Variants in PTPN14 observed in about 807,000 individuals in gnomAD.
The protein encoded by PTPN14 is tyrosine-protein phosphatase non-receptor type 14.
A neutral mutation model predicts 126.8 loss-of-function variants in PTPN14; 53 were observed. That is an observed-to-expected ratio of 0.42 (90% CI 0.34 to 0.53). The LOEUF (loss-of-function observed/expected upper bound fraction) is 0.53. Ranked by LOEUF, PTPN14 falls within the 20% of genes least tolerant of loss-of-function variation. PTPN14 has a pLI of 0.08. For synonymous variants in PTPN14, 630 were observed against 599.3 expected (o/e 1.05, Z -0.75); for missense variants, 1,257 against 1,552.9 (o/e 0.81, Z 3.20).
At chr1:214,514,481 G>A (rs972273581) in intron 1 of PTPN14, among the ~76,000 whole-genome samples, 2 of 152,090 alleles carry the variant, frequency 1.3e-5, no homozygotes, top group Non-Finnish European at 2.9e-5. Context: ...ATGAACCAGT[G>A]GTTTTACAAC....
intron 3 of PTPN14, among the ~76,000 whole-genome samples, chr1:214,416,896 C>T (rs1659439772): frequency 6.6e-6 from 1 of 152,018 alleles, no homozygotes; most frequent in African/African-American, 2.4e-5. Flanking sequence ...CTGCTCTTTG[C>T]TTATTTCTCA....
At position 214,411,593 on chromosome 1, in the gene PTPN14, T is replaced by C. The variant is rs368820246; in HGVS notation, c.510+91A>G. 4.2e-4 allele frequency: 397 copies of C among 944,534 alleles called. 5 individuals carry two copies. In the East Asian group the frequency reaches 7.4e-3, roughly 18 times the overall value. 58.5% of individuals were successfully genotyped at this position (944,534 alleles called of 1,614,324 possible). A position where few individuals can be genotyped will look rare whatever the true frequency, so the allele number is the denominator to read the frequency against. ...CCATCGACTTTTTCCCCAGGGAATA[T>C]GCATATGTAAAATCCTGAAATTTTC... On this transcript the variant is annotated intron_variant, in intron 5 of 18. Coordinates refer to ENST00000366956, the MANE Select transcript of PTPN14 (RefSeq NM_005401.5).
chr1:214,477,558 T>A (rs1660894543), intron 1 of PTPN14, among the ~76,000 whole-genome samples: 1 of 152,218 alleles, frequency 6.6e-6, no homozygotes, highest in Non-Finnish European at 1.5e-5. Flanking sequence ...TTTACTGTTG[T>A]AAAAATAATT....
At chr1:214,427,052 G>A (rs564764727) in intron 3 of PTPN14, among the ~76,000 whole-genome samples, 1 of 152,022 alleles carries the variant, frequency 6.6e-6, no homozygotes, top group Admixed American at 6.5e-5. Context: ...GGGCCGAGGC[G>A]GGCGGATCAC....
intron 5 of PTPN14, among the ~76,000 whole-genome samples, 199 bp from the exon 6 acceptor site, chr1:214,403,152 T>C (rs189527546): frequency 7.2e-5 from 11 of 152,332 alleles, no homozygotes; most frequent in African/African-American, 2.4e-4. Flanking sequence ...CTCTCCATTA[T>C]AACAGGTTAT....
chr1:214,454,138 C>T (rs1660332455), intron 2 of PTPN14, among the ~76,000 whole-genome samples: 1 of 152,132 alleles, frequency 6.6e-6, no homozygotes, highest in African/African-American at 2.4e-5. Flanking sequence ...ATGTAATTAA[C>T]ATGCTATGCA....
intron 1 of PTPN14, among the ~76,000 whole-genome samples, chr1:214,546,517 T>C (rs139221427): frequency 3.6e-3 from 550 of 152,334 alleles, no homozygotes; most frequent in Middle Eastern, 0.01. Context: ...GCAAAGTAGA[T>C]CAAGTCAGTG....
chr1:214,431,346 AG>A (rs1659792888), intron 3 of PTPN14, among the ~76,000 whole-genome samples: 1 of 152,180 alleles, frequency 6.6e-6, no homozygotes, highest in African/African-American at 2.4e-5. Context: ...ACAAATTGGG[AG>A]GTCAAATAAT....
At chr1:214,527,359 T>C (rs1223409152) in intron 1 of PTPN14, among the ~76,000 whole-genome samples, 3 of 152,184 alleles carry the variant, frequency 2.0e-5, no homozygotes, top group Admixed American at 6.5e-5. Flanking sequence ...CTTAGAAATT[T>C]ATACTGCGAA....
At chr1:214,478,652 C>T (rs976916963) in intron 1 of PTPN14, among the ~76,000 whole-genome samples, 40 of 152,270 alleles carry the variant, frequency 2.6e-4, no homozygotes, top group African/African-American at 9.1e-4. Context: ...ACTCATGATT[C>T]ATTGATCGTT....
chr1:214,386,963 G>A (rs1315132337), intron 11 of PTPN14, 41 bp from the exon 12 acceptor site: 1 of 1,511,288 alleles, frequency 6.6e-7, no homozygotes, highest in African/African-American at 1.4e-5. Context: ...GGCCTGGGCA[G>A]ACACGGCTGG....
At chr1:214,546,717 T>TA (rs1185445670) in intron 1 of PTPN14, among the ~76,000 whole-genome samples, 9 of 152,212 alleles carry the variant, frequency 5.9e-5, no homozygotes, top group Non-Finnish European at 1.3e-4. Context: ...CAGCTAGGGT[T>TA]ACGGCTCTCT....
At chr1:214,543,031 C>T (rs931635832) in intron 1 of PTPN14, among the ~76,000 whole-genome samples, 1 of 152,124 alleles carries the variant, frequency 6.6e-6, no homozygotes, top group African/African-American at 2.4e-5. Flanking sequence ...AACAGGCTGT[C>T]TTGGATATGC....
intron 3 of PTPN14, among the ~76,000 whole-genome samples, chr1:214,426,192 T>A (rs908532474): frequency 3.9e-5 from 6 of 152,042 alleles, no homozygotes; most frequent in Non-Finnish European, 8.8e-5. Flanking sequence ...GCTGAAGACA[T>A]CAAATGTGGC....
rs752876548 is a variant in PTPN14 at position 214,394,959 on chromosome 1, A to G, written c.786T>C (p.His262=). Residue 262 remains histidine (H), a synonymous_variant, in exon 9 of 19, where the codon CAT becomes CAC. Coordinates refer to ENST00000366956, the MANE Select transcript of PTPN14 (RefSeq NM_005401.5). The part of the protein sequence containing the change: ...YRWNDMGNIT[H]NKSTILVELI... The stretch of plus-strand genomic sequence containing the variant: ...GCTCCACTAGAATGGTCGACTTGTT[A>G]TGAGTGATATTCCCCATGTCATTCC... 31 of 1,613,392 alleles carry G rather than the reference A, an allele frequency of 1.9e-5. No homozygotes were observed. The South Asian group carries it at 3.2e-4, about 17-fold the overall frequency.
intron 13 of PTPN14, among the ~76,000 whole-genome samples, chr1:214,382,508 T>A (rs1658497923): frequency 6.6e-6 from 1 of 152,132 alleles, no homozygotes; most frequent in Non-Finnish European, 1.5e-5. Context: ...TATTATTATT[T>A]TATTTTAGAG....
At chr1:214,415,774 T>C (rs1460955088) in intron 3 of PTPN14, among the ~76,000 whole-genome samples, 3 of 152,288 alleles carry the variant, frequency 2.0e-5, no homozygotes, top group South Asian at 2.1e-4. Flanking sequence ...AGAGTCCTTC[T>C]TCTCTCCTCT....
intron 13 of PTPN14, 39 bp from the exon 14 acceptor site, chr1:214,378,141 A>G (rs910688316): frequency 6.4e-7 from 1 of 1,570,680 alleles, no homozygotes. Flanking sequence ...TGTTTATAAT[A>G]CTAGTAGAAT....
chr1:214,368,750 A>C (rs936824010), intron 17 of PTPN14, among the ~76,000 whole-genome samples: 2 of 152,160 alleles, frequency 1.3e-5, no homozygotes, highest in Admixed American at 6.5e-5. Context: ...TGGGAGGCTG[A>C]TGCGGGCAGA....
Sources: allele counts gnomAD v4.1 joint callset (sites outside exome capture counted in the v4.1 genomes callset), GRCh38; gene constraint gnomAD v4.1.1; transcripts MANE v1.5; gene names NCBI Gene and HGNC (gene_info 2026-07-23, HGNC 2026-07-21).